Variants in USP34 observed in about 807,000 individuals in gnomAD.
The protein encoded by USP34 is ubiquitin specific peptidase 34, also known as ubiquitin carboxyl-terminal hydrolase 34.
USP34 carries 70 observed loss-of-function variants against 460.3 expected under a neutral mutation model. That is an observed-to-expected ratio of 0.15 (90% confidence interval 0.13 to 0.19). USP34 has a LOEUF of 0.19. USP34 is among the 10% of genes least tolerant of loss of function. USP34 has a pLI of 1.00. For synonymous variants in USP34, 1,647 were observed against 1,405.3 expected (o/e 1.17, Z -3.85); for missense variants, 3,985 against 4,236.2 (o/e 0.94, Z 1.65).
chr2:61,297,331 A>T (rs1452952047), intron 29 of USP34, among the ~76,000 whole-genome samples: 1 of 152,254 alleles, frequency 6.6e-6, no homozygotes, highest in Non-Finnish European at 1.5e-5. Context: ...TTAGGAAAAG[A>T]GCCTGTTTCT....
Position 61,414,272 on chromosome 2 carries a change from T to TA in USP34, c.131+6473_131+6474insT, listed in dbSNP as rs1558580724. On this transcript the variant is annotated intron_variant, in intron 2 of 79. Coordinates refer to ENST00000398571, the MANE Select transcript of USP34 (RefSeq NM_014709.4). ...CTATAAAATAAATAAATAAATAACTTTAAAAAAAAAAAGAGTATGAAGGAA... is the reference window on the plus strand; with the variant it reads ...CTATAAAATAAATAAATAAATAACTTATAAAAAAAAAAAGAGTATGAAGGAA... 5.9e-4 allele frequency among the ~76,000 whole-genome samples: 61 copies of TA among 102,608 alleles called. No individual in the cohort carries two copies. The East Asian group carries it at 0.014, about 23-fold the overall frequency. 67.3% of individuals were successfully genotyped at this position (102,608 alleles called of 152,430 possible). A position where few individuals can be genotyped will look rare whatever the true frequency, so the allele number is the denominator to read the frequency against.
chr2:61,227,603 C>T (rs985206129), intron 61 of USP34, among the ~76,000 whole-genome samples: 2 of 151,876 alleles, frequency 1.3e-5, no homozygotes, highest in African/African-American at 2.4e-5. Context: ...CCCTGCTACT[C>T]GGGAGGCTGA....
intron 25 of USP34, among the ~76,000 whole-genome samples, chr2:61,313,051 ATTTTGCATGAAAAATACCTAAGTAAATTT>A (rs1282178325): frequency 6.6e-6 from 1 of 152,108 alleles, no homozygotes. Flanking sequence ...CAAGAACAAA[ATTTTGCATGAAAAATACCTAAGTAAATTT>A]TTTTTAAACT....
chr2:61,446,023 G>C (rs376015402), intron 1 of USP34, among the ~76,000 whole-genome samples: 15 of 142,206 alleles, frequency 1.1e-4, no homozygotes, highest in African/African-American at 3.9e-4. Flanking sequence ...TGAGGCAGGA[G>C]AATCACCTGA....
At chr2:61,387,017 A>G (rs1312806644) in intron 5 of USP34, among the ~76,000 whole-genome samples, 1 of 152,222 alleles carries the variant, frequency 6.6e-6, no homozygotes, top group Non-Finnish European at 1.5e-5. Context: ...AAAGACGTCT[A>G]TCTAAAACAC....
intron 10 of USP34, among the ~76,000 whole-genome samples, chr2:61,370,089 T>C (rs1178568404): frequency 6.6e-6 from 1 of 152,130 alleles, no homozygotes; most frequent in East Asian, 1.9e-4. Flanking sequence ...AAAATGTCTC[T>C]TTATTAAACC....
At chr2:61,300,807 AC>A (rs1690194394) in intron 29 of USP34, 143 bp downstream of exon 29, 3 of 601,242 alleles carry the variant, frequency 5.0e-6, no homozygotes, top group Non-Finnish European at 7.7e-6. Flanking sequence ...AAAAAAGAAA[AC>A]AAAAAAAAAA....
chr2:61,262,839 G>A (rs1423967297), intron 43 of USP34, among the ~76,000 whole-genome samples: 1 of 152,156 alleles, frequency 6.6e-6, no homozygotes, highest in Non-Finnish European at 1.5e-5. Flanking sequence ...AACATCGCCA[G>A]CATCAGTTAT....
chr2:61,352,092 A>T (rs1691958006), intron 10 of USP34, among the ~76,000 whole-genome samples: 1 of 152,094 alleles, frequency 6.6e-6, no homozygotes, highest in African/African-American at 2.4e-5. Context: ...CCAGTTGAAG[A>T]TCTCTAATTC....
At chr2:61,420,697 A>T in intron 2 of USP34, 49 bp downstream of exon 2, 1 of 1,456,280 alleles carries the variant, frequency 6.9e-7, no homozygotes, top group Non-Finnish European at 9.4e-7. Context: ...ATCGCAACTT[A>T]TAACACAACT....
chr2:61,459,653 T>C lies in USP34; in HGVS notation c.43+10997A>G, dbSNP rs188223693. 2.6e-5 allele frequency among the ~76,000 whole-genome samples: 4 copies of C among 152,028 alleles called. No individual in the cohort carries two copies. The East Asian group carries it at 7.8e-4, about 30-fold the overall frequency. On this transcript the variant is annotated intron_variant, in intron 1 of 79. Coordinates refer to ENST00000398571, the MANE Select transcript of USP34 (RefSeq NM_014709.4). ...TTAGCCGAGCGTGGTGGCAGGCACC[T>C]GTAATCCCAGCTACTCAGGAGGCTG...
At position 61,375,768 on chromosome 2, in the gene USP34, CAAAAAA is replaced by C. The variant is rs56304309; in HGVS notation, c.1076+2589_1076+2594del. 6.6e-3 allele frequency among the ~76,000 whole-genome samples: 530 copies of C among 80,846 alleles called. 3 individuals are homozygous for C. Among genetic ancestry groups the C allele is most frequent in the African/African-American group, 0.022 (501 of 23,172 alleles). 53.0% of individuals were successfully genotyped at this position (80,846 alleles called of 152,430 possible). On this transcript the variant is annotated intron_variant, in intron 8 of 79. Coordinates refer to ENST00000398571, the MANE Select transcript of USP34 (RefSeq NM_014709.4). ...TGGGTGACAGACCAAGACTCTGTCTCAAAAAAAAAAAAAAAAAAAAAAAAAAGTAGA... is the reference window on the plus strand; with the variant it reads ...TGGGTGACAGACCAAGACTCTGTCTCAAAAAAAAAAAAAAAAAAAAGTAGA...
Position 61,267,077 on chromosome 2 carries a change from G to A in USP34, c.5434-910C>T, listed in dbSNP as rs567241886. Among the ~76,000 whole-genome samples, 16 of 152,262 alleles carry A rather than the reference G, an allele frequency of 1.1e-4. 1 individual carries two copies. In the East Asian group the frequency reaches 2.5e-3, roughly 24 times the overall value. ...TCTTGGTATACAATACATCACATGC[G>A]TTGTCATGCTCACTGAACACATCTT... On this transcript the variant is annotated intron_variant, in intron 41 of 79. Transcript: ENST00000398571.
At chr2:61,321,761 T>C (rs1052687631) in intron 21 of USP34, among the ~76,000 whole-genome samples, 2 of 152,188 alleles carry the variant, frequency 1.3e-5, no homozygotes, top group Non-Finnish European at 2.9e-5. Flanking sequence ...AGAAAATTCT[T>C]CTCCCTAAAA....
At position 61,441,782 on chromosome 2, in the gene USP34, C is replaced by CAG. The variant is rs761136979; in HGVS notation, c.44-20951_44-20950dup. Among the ~76,000 whole-genome samples, 5 of 108,794 alleles carry CAG rather than the reference C, an allele frequency of 4.6e-5. No homozygotes were observed. The South Asian group carries it at 8.3e-4, about 18-fold the overall frequency. 71.4% of individuals were successfully genotyped at this position (108,794 alleles called of 152,430 possible). A position where few individuals can be genotyped will look rare whatever the true frequency, so the allele number is the denominator to read the frequency against. On this transcript the variant is annotated intron_variant, in intron 1 of 79. Transcript: ENST00000398571. ...TACCACTGAACTACAGCCTGGGCAA[C>CAG]AGAGAGAGAGACTGCATTACAAAAA...
chr2:61,416,066 G>C lies in USP34; in HGVS notation c.131+4680C>G, dbSNP rs901188671. Among the ~76,000 whole-genome samples, 4 of 152,140 alleles carry C rather than the reference G, an allele frequency of 2.6e-5. No individual in the cohort carries two copies. The East Asian group carries it at 5.8e-4, about 22-fold the overall frequency. On this transcript the variant is annotated intron_variant, in intron 2 of 79. Coordinates refer to ENST00000398571, the MANE Select transcript of USP34 (RefSeq NM_014709.4). ...ATCATTTCCCTAGCCCAATTCTGCT[G>C]AAAGAATGAAAGGACTATTACTCCA... is the stretch of plus-strand genomic sequence containing the variant.
At chr2:61,341,145 C>T (rs972644520) in intron 16 of USP34, among the ~76,000 whole-genome samples, 3 of 152,182 alleles carry the variant, frequency 2.0e-5, no homozygotes, top group African/African-American at 4.8e-5. Context: ...TTTCAATATT[C>T]ATCCATGATG....
chr2:61,215,784 C>T (rs556264499), intron 67 of USP34, among the ~76,000 whole-genome samples: 2 of 152,322 alleles, frequency 1.3e-5, no homozygotes, highest in Non-Finnish European at 2.9e-5. Context: ...CAAATGTATA[C>T]TATTTGACGT....
chr2:61,463,116 A>T (rs188052681), intron 1 of USP34, among the ~76,000 whole-genome samples: 5 of 152,312 alleles, frequency 3.3e-5, no homozygotes, highest in Non-Finnish European at 7.3e-5. Flanking sequence ...ATATACTCAT[A>T]GTATCTAAAA....
Sources: allele counts gnomAD v4.1 joint callset (sites outside exome capture counted in the v4.1 genomes callset), GRCh38; gene constraint gnomAD v4.1.1; transcripts MANE v1.5; gene names NCBI Gene and HGNC (gene_info 2026-07-23, HGNC 2026-07-21).